ZNF41: variants seen among roughly 807,000 people sequenced by gnomAD.
ZNF41 encodes zinc finger protein 41.
In ZNF41, 6 loss-of-function variants were observed where a neutral mutation model predicts 9.3. That is an observed-to-expected ratio of 0.65 (90% CI 0.35 to 1.28). ZNF41 has a LOEUF of 1.28. Ranked by LOEUF, ZNF41 falls within the 50% of genes most tolerant of loss-of-function variation. ZNF41 has a pLI of 0.03. For synonymous variants in ZNF41, 192 were observed against 207.1 expected (o/e 0.93, Z 0.63); for missense variants, 523 against 585.8 (o/e 0.89, Z 1.11).
At chrX:47,458,426 A>G (rs2056652439) in intron 2 of ZNF41, among the ~76,000 whole-genome samples, 1 of 111,984 alleles carries the variant, frequency 8.9e-6, no homozygotes, top group Non-Finnish European at 1.9e-5. Context: ...ACAAAAGAAT[A>G]AAGTCCAAAA....
intron 4 of ZNF41, among the ~76,000 whole-genome samples, chrX:47,451,128 A>G (rs1038732867): frequency 6.2e-5 from 7 of 112,248 alleles, no homozygotes; most frequent in Non-Finnish European, 1.1e-4. Context: ...CAGAAAGGAC[A>G]AATACACAAA....
chrX:47,472,559 C>A (rs1280724845), intron 1 of ZNF41, among the ~76,000 whole-genome samples: 1 of 106,983 alleles, frequency 9.3e-6, no homozygotes, highest in Middle Eastern at 4.7e-3. Context: ...CTGCCTCAAC[C>A]TCCCAAGTAG....
intron 2 of ZNF41, among the ~76,000 whole-genome samples, chrX:47,460,960 A>G (rs763181997): frequency 1.8e-5 from 2 of 111,863 alleles, no homozygotes; most frequent in African/African-American, 3.2e-5. Context: ...AAGAATATTT[A>G]TAGTGGCGTT....
intron 2 of ZNF41, among the ~76,000 whole-genome samples, chrX:47,459,742 TAAA>T (rs768291943): frequency 6.2e-5 from 1 of 16,160 alleles, no homozygotes; most frequent in Non-Finnish European, 1.1e-4. Flanking sequence ...AGACCCTATC[TAAA>T]AAAAAAAAAA....
intron 1 of ZNF41, among the ~76,000 whole-genome samples, chrX:47,467,970 A>C (rs1384640710): frequency 8.9e-6 from 1 of 111,991 alleles, no homozygotes; most frequent in Non-Finnish European, 1.9e-5. Context: ...GAATTAAATG[A>C]AATGATGCTT....
At chrX:47,455,833 C>T (rs1289488006) in intron 4 of ZNF41, 88 bp downstream of exon 4, 7 of 891,305 alleles carry the variant, frequency 7.9e-6, no homozygotes, top group Non-Finnish European at 1.1e-5. Context: ...GATGGGTTAT[C>T]TTCAGAGTGT....
intron 2 of ZNF41, among the ~76,000 whole-genome samples, chrX:47,457,358 C>T (rs765916919): frequency 1.8e-5 from 2 of 108,321 alleles, no homozygotes; most frequent in East Asian, 3.0e-4. Context: ...TGCAGTGAGC[C>T]GAGATTGTAT....
intron 4 of ZNF41, among the ~76,000 whole-genome samples, chrX:47,454,602 G>A (rs915477727): frequency 4.5e-5 from 5 of 111,779 alleles, no homozygotes; most frequent in African/African-American, 6.5e-5. Context: ...GAAGTTGATT[G>A]CAGAATTGTT....
intron 1 of ZNF41, chrX:47,477,181 T>A (rs2057356705): frequency 9.3e-6 from 1 of 107,254 alleles, no homozygotes; most frequent in Admixed American, 1.0e-4. Flanking sequence ...TCTCGCTCTG[T>A]CACCCAGGCT....
chrX:47,449,051 G>C lies in ZNF41; in HGVS notation c.719C>G (p.Ala240Gly). ...STKNENAKTG[A>G]NSCEHDHYEK... ...ATAGTGGTCATGTTCACAGGAATTT[G>C]CTCCTGTTTTAGCATTCTCATTCTT... Residue 240 changes from alanine to glycine, a missense_variant, in exon 5 of 5, where the codon GCA (alanine) becomes GGA (glycine). Ala to Gly is a moderately conservative substitution (Grantham distance 60). Transcript: ENST00000684689. 1 of 1,211,139 alleles carries C rather than the reference G, an allele frequency of 8.3e-7. No individual in the cohort carries two copies. Among genetic ancestry groups the C allele is most frequent in the Non-Finnish European group, 1.1e-6 (1 of 895,154 alleles).
intron 1 of ZNF41, among the ~76,000 whole-genome samples, chrX:47,474,338 G>C (rs771667457): frequency 2.7e-5 from 3 of 110,199 alleles, no homozygotes; most frequent in South Asian, 3.9e-4. Flanking sequence ...ATGGTGGCAG[G>C]CACCTGTAAT....
intron 1 of ZNF41, among the ~76,000 whole-genome samples, chrX:47,469,706 T>TA (rs1040609823): frequency 1.0e-4 from 11 of 110,394 alleles, no homozygotes; most frequent in African/African-American, 2.6e-4. Flanking sequence ...TGTGAAACAC[T>TA]AAAAATATAA....
Position 47,449,106 on chromosome X carries a change from T to C in ZNF41, c.664A>G (p.Asn222Asp), listed in dbSNP as rs745547425. The stretch of plus-strand genomic sequence containing the variant: ...GAGGAAGGGCTATGGGGGAAATTGT[T>C]ACCATTTCCAAAAATCTTGCCAAGG... ...KNLGKIFGNG[N>D]NFPHSPSSTK... is the part of the protein sequence containing the mutation. Residue 222 changes from asparagine to aspartate, a missense_variant, in exon 5 of 5, where the codon AAC becomes GAC. Physicochemically the swap from Asn to Asp is conservative, Grantham distance 23. Transcript: ENST00000684689. 190 of 1,209,850 alleles carry C rather than the reference T, an allele frequency of 1.6e-4. 1 individual carries two copies. In the Admixed American group the frequency reaches 1.9e-3, roughly 12 times the overall value.
chrX:47,450,463 G>A (rs1258724842), intron 4 of ZNF41, among the ~76,000 whole-genome samples: 2 of 110,966 alleles, frequency 1.8e-5, no homozygotes, highest in African/African-American at 6.6e-5. Flanking sequence ...TGCCCACCTC[G>A]GGCTCCCAAA....
chrX:47,464,306 ATTC>A (rs1381166530), intron 2 of ZNF41, among the ~76,000 whole-genome samples: 1 of 110,310 alleles, frequency 9.1e-6, no homozygotes, highest in Non-Finnish European at 1.9e-5. Flanking sequence ...CCCCTTGGCT[ATTC>A]TTCATCTCTA....
chrX:47,450,395 G>A (rs1211629739), intron 4 of ZNF41, among the ~76,000 whole-genome samples: 3 of 110,272 alleles, frequency 2.7e-5, no homozygotes, highest in Middle Eastern at 4.7e-3. Context: ...ATTTTTAGTA[G>A]AGACGGGGTT....
At chrX:47,464,815 C>T (rs1469035217) in intron 2 of ZNF41, among the ~76,000 whole-genome samples, 1 of 112,133 alleles carries the variant, frequency 8.9e-6, no homozygotes, top group Non-Finnish European at 1.9e-5. Context: ...AGCATTGATT[C>T]CCTTGCTATT....
chrX:47,473,032 T>A (rs11796501), intron 1 of ZNF41, among the ~76,000 whole-genome samples: 3,097 of 108,600 alleles, frequency 0.029, 52 homozygotes, highest in Middle Eastern at 0.038. Flanking sequence ...ACAAAAAAAA[T>A]TTTTTTTTAG....
At chrX:47,453,685 G>A (rs991343290) in intron 4 of ZNF41, among the ~76,000 whole-genome samples, 1 of 112,249 alleles carries the variant, frequency 8.9e-6, no homozygotes, top group Admixed American at 9.5e-5. Flanking sequence ...TTTAGGTAAA[G>A]ATATCTGTCA....
Sources: gnomAD v4.1 joint callset for allele counts (sites outside exome capture counted in the v4.1 genomes callset) on GRCh38, gnomAD v4.1.1 for gene constraint, MANE v1.5 for transcripts, NCBI Gene and HGNC (gene_info 2026-07-23, HGNC 2026-07-21) for gene names.